Variants in SCMH1 observed in about 807,000 individuals in gnomAD.
SCMH1 encodes the protein polycomb protein SCMH1.
SCMH1 carries 37 observed loss-of-function variants against 70.8 expected under a neutral mutation model. The observed-to-expected ratio is 0.52, with a 90% CI of 0.40 to 0.69. The LOEUF is 0.69. SCMH1 is among the 30% of genes least tolerant of loss of function. The pLI is 0.00. For synonymous variants in SCMH1, 292 were observed against 307.4 expected (o/e 0.95, Z 0.52); for missense variants, 607 against 827.3 (o/e 0.73, Z 3.27).
chr1:41,141,104 ATAAC>A (rs1295718536), intron 6 of SCMH1, among the ~76,000 whole-genome samples: 2 of 152,230 alleles, frequency 1.3e-5, no homozygotes, highest in Non-Finnish European at 2.9e-5. Context: ...ATATCTCAAA[ATAAC>A]TAAATAGTTG....
chr1:41,032,978 C>CA (rs1327396809), intron 13 of SCMH1, among the ~76,000 whole-genome samples: 3,265 of 68,838 alleles, frequency 0.047, 121 homozygotes, highest in African/African-American at 0.15. Flanking sequence ...GACTCTGTCT[C>CA]AAAAAAAAAA....
chr1:41,191,155 G>T (rs1045261835), intron 1 of SCMH1, among the ~76,000 whole-genome samples: 2 of 152,212 alleles, frequency 1.3e-5, no homozygotes, highest in African/African-American at 4.8e-5. Context: ...GATTACAGGT[G>T]TGAGTTACCA....
chr1:41,137,819 G>A (rs1316585770), intron 6 of SCMH1, among the ~76,000 whole-genome samples: 1 of 152,062 alleles, frequency 6.6e-6, no homozygotes, highest in Non-Finnish European at 1.5e-5. Context: ...CTCAGAGTCT[G>A]GCTTTTCTTT....
intron 1 of SCMH1, among the ~76,000 whole-genome samples, chr1:41,202,895 A>G (rs1654698753): frequency 6.6e-6 from 1 of 152,144 alleles, no homozygotes; most frequent in Non-Finnish European, 1.5e-5. Context: ...TTCAGTATTT[A>G]TTAAATAAAA....
Position 41,195,131 on chromosome 1 carries a change from CAAAAAAAAAAA to C in SCMH1, c.-117-8892_-117-8882del, listed in dbSNP as rs35569635. ...AGGCAACAAGATTGAAACTCTCTCT[CAAAAAAAAAAA>C]AAAAAAAAAAAAAAAAAGGCCAGAT... On this transcript the variant is annotated intron_variant, in intron 1 of 14. Transcript: ENST00000337495. Among the ~76,000 whole-genome samples the C allele has an allele frequency of 5.7e-4, 15 of 26,246 alleles. No individual in the cohort carries two copies. The South Asian group carries it at 0.031, about 54-fold the overall frequency. The allele number at this position is 26,246 out of a possible 152,430, so 17.2% of individuals were successfully genotyped here. A position where few individuals can be genotyped will look rare whatever the true frequency, so the allele number is the denominator to read the frequency against.
At chr1:41,187,746 G>A (rs1270728594) in intron 1 of SCMH1, among the ~76,000 whole-genome samples, 1 of 150,864 alleles carries the variant, frequency 6.6e-6, no homozygotes, top group Non-Finnish European at 1.5e-5. Context: ...GACCAGCCTG[G>A]ACAACACAGT....
rs182649378 is a variant in SCMH1, at chr1:41,086,206, A to G, written c.746-10755T>C. Among the ~76,000 whole-genome samples, 7 of 152,292 alleles carry G rather than the reference A, an allele frequency of 4.6e-5. No homozygotes were observed. In the East Asian group the frequency reaches 1.2e-3, roughly 25 times the overall value. ...AGCTCAAATTACATTTCTATTGGAC[A>G]GTGCATCCCTATAAAATCAGTGATG... On this transcript the variant is annotated intron_variant, in intron 8 of 14. Coordinates refer to ENST00000337495, the Ensembl canonical transcript of SCMH1.
Position 41,123,597 on chromosome 1 carries a change from A to C in SCMH1, c.413-6587T>G, listed in dbSNP as rs568538164. On this transcript the variant is annotated intron_variant, in intron 6 of 14. Coordinates refer to ENST00000337495, the Ensembl canonical transcript of SCMH1. ...ACCCTGAAAATTTTAAGAGCTCCCTAGGTGATTTTAACAGGTAGCCAAGTT... is the reference window on the plus strand; with the variant it reads ...ACCCTGAAAATTTTAAGAGCTCCCTCGGTGATTTTAACAGGTAGCCAAGTT... 4.6e-5 allele frequency among the ~76,000 whole-genome samples: 7 copies of C among 152,350 alleles called. No individual in the cohort carries two copies. In the East Asian group the frequency reaches 1.4e-3, roughly 29 times the overall value.
intron 8 of SCMH1, among the ~76,000 whole-genome samples, chr1:41,084,363 A>G (rs1420042139): frequency 6.6e-6 from 1 of 152,222 alleles, no homozygotes; most frequent in African/African-American, 2.4e-5. Context: ...GCAGCCAAAA[A>G]ATACATGAAA....
At chr1:41,095,130 C>T (rs1558825232) in intron 8 of SCMH1, among the ~76,000 whole-genome samples, 1 of 152,152 alleles carries the variant, frequency 6.6e-6, no homozygotes, top group Non-Finnish European at 1.5e-5. Flanking sequence ...TTCTTAAGGA[C>T]TATGTTGTTA....
At chr1:41,163,976 G>T (rs1646243746) in intron 2 of SCMH1, among the ~76,000 whole-genome samples, 1 of 151,926 alleles carries the variant, frequency 6.6e-6, no homozygotes, top group Non-Finnish European at 1.5e-5. Flanking sequence ...CTCATATAAG[G>T]AGAATATATT....
intron 5 of SCMH1, among the ~76,000 whole-genome samples, chr1:41,147,178 C>A (rs974789534): frequency 1.3e-5 from 2 of 152,124 alleles, no homozygotes; most frequent in East Asian, 1.9e-4. Flanking sequence ...CATCTCTATT[C>A]ATGTACTTAT....
At chr1:41,160,376 G>A (rs967633441) in intron 4 of SCMH1, among the ~76,000 whole-genome samples, 11 of 151,996 alleles carry the variant, frequency 7.2e-5, no homozygotes, top group African/African-American at 2.7e-4. Context: ...CACTAACCAG[G>A]GAGGAAAACC....
intron 6 of SCMH1, among the ~76,000 whole-genome samples, chr1:41,136,237 T>C (rs976362908): frequency 2.0e-5 from 3 of 152,194 alleles, no homozygotes; most frequent in Admixed American, 1.3e-4. Context: ...TGAGCCACCA[T>C]GCCTGGCCAT....
At chr1:41,139,362 G>A (rs1643846307) in intron 6 of SCMH1, among the ~76,000 whole-genome samples, 1 of 152,036 alleles carries the variant, frequency 6.6e-6, no homozygotes, top group African/African-American at 2.4e-5. Context: ...TACTGGCTCT[G>A]CTGGTTTCAG....
chr1:41,155,748 G>A lies in SCMH1; in HGVS notation c.107-4064C>T, dbSNP rs572647635. 5.3e-5 allele frequency among the ~76,000 whole-genome samples: 8 copies of A among 152,128 alleles called. No homozygotes were observed. In the East Asian group the frequency reaches 5.8e-4, roughly 11 times the overall value. ...TGTAATCCCAGCACTTTGGGAGGCT[G>A]AGGCGGGCAGATCACCTGAGGTCAG... On this transcript the variant is annotated intron_variant, in intron 4 of 14. Coordinates refer to ENST00000337495, the Ensembl canonical transcript of SCMH1.
rs536268225 is a variant in SCMH1, at chr1:41,091,578, A to G, written c.746-16127T>C. Among the ~76,000 whole-genome samples, 135 of 152,284 alleles carry G rather than the reference A, an allele frequency of 8.9e-4. 1 individual carries two copies. The highest frequency in any genetic ancestry group is 2.6e-4 in the Non-Finnish European group (18 of 68,024). ...AGAAATAAAGGGTATTCAATTAGGA[A>G]AAGAGGAAGTCAAATTGTCCCTGTT... On this transcript the variant is annotated intron_variant, in intron 8 of 14. Coordinates refer to ENST00000337495, the Ensembl canonical transcript of SCMH1.
At chr1:41,098,601 C>T (rs1216261749) in intron 8 of SCMH1, 2 of 152,278 alleles carry the variant, frequency 1.3e-5, no homozygotes, top group Admixed American at 6.5e-5. Flanking sequence ...TTTTATGGTT[C>T]TGAAAAAATA....
intron 1 of SCMH1, among the ~76,000 whole-genome samples, chr1:41,241,487 C>G (rs1663529747): frequency 6.6e-6 from 1 of 152,134 alleles, no homozygotes; most frequent in African/African-American, 2.4e-5. Flanking sequence ...GGGCCCTAGG[C>G]GCCCCAGCTC....
Sources: gnomAD v4.1 joint callset for allele counts (sites outside exome capture counted in the v4.1 genomes callset) on GRCh38, gnomAD v4.1.1 for gene constraint, MANE v1.5 for transcripts, NCBI Gene and HGNC (gene_info 2026-07-23, HGNC 2026-07-21) for gene names.